TMEM232: variants seen among roughly 807,000 people sequenced by gnomAD.
The protein encoded by TMEM232 is transmembrane protein 232.
In TMEM232, 80 loss-of-function variants were observed where a neutral mutation model predicts 78.8. The observed-to-expected ratio is 1.01, with a 90% confidence interval of 0.85 to 1.22. The LOEUF is 1.22. Among genes scored for constraint, TMEM232 ranks in the 50% most tolerant of loss-of-function variants. TMEM232 has a pLI of 0.00. For synonymous variants in TMEM232, 297 were observed against 254.3 expected (o/e 1.17, Z -1.60); for missense variants, 881 against 742.2 (o/e 1.19, Z -2.17).
chr5:110,527,064 A>T (rs1183699458), intron 12 of TMEM232, among the ~76,000 whole-genome samples: 1 of 151,912 alleles, frequency 6.6e-6, no homozygotes, highest in Non-Finnish European at 1.5e-5. Flanking sequence ...GATACACAAG[A>T]AATTACTGAT....
chr5:110,655,027 T>C (rs1788838120), intron 2 of TMEM232, among the ~76,000 whole-genome samples: 1 of 152,046 alleles, frequency 6.6e-6, no homozygotes. Flanking sequence ...CCAAAAGCAA[T>C]GGTAACAAAA....
At chr5:110,657,408 T>TGTGTG (rs1554070765) in intron 2 of TMEM232, among the ~76,000 whole-genome samples, 11 of 151,662 alleles carry the variant, frequency 7.3e-5, no homozygotes, top group Admixed American at 7.2e-4. Context: ...TGTGTGTGTG[T>TGTGTG]AGTAGAATAC....
At chr5:110,408,130 A>G (rs990028684) in intron 2 of TMEM232, among the ~76,000 whole-genome samples, 2 of 152,186 alleles carry the variant, frequency 1.3e-5, no homozygotes, top group Non-Finnish European at 2.9e-5. Context: ...GGATACAACT[A>G]AAAAGGAAGT....
At chr5:110,618,038 T>C in intron 8 of TMEM232, 1 of 171,746 alleles carries the variant, frequency 5.8e-6, no homozygotes, top group Non-Finnish European at 1.2e-5. Flanking sequence ...ATTTTTGTTA[T>C]ACATTACAAG....
chr5:110,436,447 G>A (rs1168438864), intron 12 of TMEM232, among the ~76,000 whole-genome samples: 6 of 151,940 alleles, frequency 3.9e-5, no homozygotes, highest in Non-Finnish European at 7.4e-5. Context: ...CTGTGCAGAA[G>A]TTTTTAAACT....
intron 4 of TMEM232, among the ~76,000 whole-genome samples, chr5:110,638,861 C>T (rs1329703911): frequency 6.6e-6 from 1 of 152,056 alleles, no homozygotes; most frequent in Non-Finnish European, 1.5e-5. Context: ...AGGACAGAAC[C>T]AGATGATAAA....
At chr5:110,510,985 A>C (rs1767660678) in intron 12 of TMEM232, among the ~76,000 whole-genome samples, 1 of 152,154 alleles carries the variant, frequency 6.6e-6, no homozygotes, top group African/African-American at 2.4e-5. Flanking sequence ...CTATAAAGAC[A>C]CATGCACGTG....
intron 10 of TMEM232, among the ~76,000 whole-genome samples, chr5:110,585,824 A>G (rs1778751096): frequency 6.6e-6 from 1 of 152,076 alleles, no homozygotes; most frequent in Non-Finnish European, 1.5e-5. Flanking sequence ...TTTTCCTGAC[A>G]TGTCCAGTTC....
At chr5:110,628,261 T>A (rs1432269376) in intron 5 of TMEM232, among the ~76,000 whole-genome samples, 1 of 152,080 alleles carries the variant, frequency 6.6e-6, no homozygotes, top group Non-Finnish European at 1.5e-5. Context: ...CAATTCCTTG[T>A]TTCAGTATAT....
intron 10 of TMEM232, among the ~76,000 whole-genome samples, chr5:110,601,850 C>G (rs192099364): frequency 1.3e-5 from 2 of 152,166 alleles, no homozygotes; most frequent in East Asian, 3.9e-4. Context: ...AAATCCTAAG[C>G]AAAGAGAACA....
intron 3 of TMEM232, among the ~76,000 whole-genome samples, chr5:110,397,472 T>C (rs578101664): frequency 1.3e-5 from 2 of 152,164 alleles, no homozygotes; most frequent in Non-Finnish European, 2.9e-5. Flanking sequence ...CTCCTCAGTA[T>C]ATTAGCGCTA....
intron 10 of TMEM232, among the ~76,000 whole-genome samples, chr5:110,598,781 T>C (rs10076970): frequency 0.019 from 2,757 of 146,558 alleles, 104 homozygotes; most frequent in African/African-American, 0.067. Flanking sequence ...AAACACCGCA[T>C]GTTCTCACTC....
chr5:110,388,087 TCA>T (rs1225208316), intron 4 of TMEM232: 1 of 152,090 alleles, frequency 6.6e-6, no homozygotes. Flanking sequence ...AGCAGCTCTC[TCA>T]CGGGTGCACA....
chr5:110,623,844 T>C (rs1467322847), intron 7 of TMEM232, among the ~76,000 whole-genome samples: 1 of 152,182 alleles, frequency 6.6e-6, no homozygotes, highest in Non-Finnish European at 1.5e-5. Flanking sequence ...TGAAATAGAA[T>C]TTAGAAGAGA....
intron 5 of TMEM232, among the ~76,000 whole-genome samples, chr5:110,632,696 G>C (rs1003341812): frequency 6.6e-6 from 1 of 151,594 alleles, no homozygotes; most frequent in African/African-American, 2.4e-5. Context: ...GATATAACTT[G>C]GAGAAAAACA....
intron 7 of TMEM232, among the ~76,000 whole-genome samples, chr5:110,624,272 G>A (rs900047123): frequency 2.0e-5 from 3 of 151,986 alleles, no homozygotes; most frequent in Admixed American, 1.3e-4. Flanking sequence ...TGTTTGCATG[G>A]CATTTAATAA....
intron 12 of TMEM232, among the ~76,000 whole-genome samples, chr5:110,448,772 A>G (rs1561508448): frequency 6.6e-6 from 1 of 152,010 alleles, no homozygotes; most frequent in African/African-American, 2.4e-5. Flanking sequence ...AACTTTTGAC[A>G]TAGAAGGGTT....
At chr5:110,653,125 C>T (rs574242081) in intron 2 of TMEM232, among the ~76,000 whole-genome samples, 7 of 152,166 alleles carry the variant, frequency 4.6e-5, no homozygotes, top group Non-Finnish European at 1.0e-4. Context: ...ATAAATCAGG[C>T]CTGGCCTCAG....
intron 2 of TMEM232, among the ~76,000 whole-genome samples, chr5:110,409,991 T>C (rs1035396235): frequency 6.6e-6 from 1 of 152,184 alleles, no homozygotes; most frequent in African/African-American, 2.4e-5. Context: ...TCTGTATCCG[T>C]TGGCCTGAGA....
Sources: gnomAD v4.1 joint callset for allele counts (sites outside exome capture counted in the v4.1 genomes callset) on GRCh38, gnomAD v4.1.1 for gene constraint, MANE v1.5 for transcripts, NCBI Gene and HGNC (gene_info 2026-07-23, HGNC 2026-07-21) for gene names.